ZC3H13: variants seen among roughly 807,000 people sequenced by gnomAD.
The protein encoded by ZC3H13 is zinc finger CCCH-type containing 13, also known as zinc finger CCCH domain-containing protein 13.
Under a neutral mutation model 204.1 loss-of-function variants are expected in ZC3H13, and 64 were observed. The ratio of observed to expected loss-of-function variants is 0.31; its 90% CI spans 0.26 to 0.39. ZC3H13 has a LOEUF of 0.39. Ranked by LOEUF, ZC3H13 falls within the 10% of genes least tolerant of loss-of-function variation. The pLI is 1.00. For missense variants in ZC3H13, 1,833 were observed against 2,082.7 expected (o/e 0.88, Z 2.33); for synonymous variants, 667 against 693.7 (o/e 0.96, Z 0.60).
At chr13:46,008,713 T>C (rs143349624) in intron 7 of ZC3H13, among the ~76,000 whole-genome samples, 13 of 152,284 alleles carry the variant, frequency 8.5e-5, no homozygotes, top group East Asian at 1.9e-4. Context: ...GAAAGTTACA[T>C]AGCTGGTTAG....
At chr13:46,044,819 C>G (rs2043832788) in intron 3 of ZC3H13, 136 bp downstream of exon 3, 1 of 443,782 alleles carries the variant, frequency 2.3e-6, no homozygotes, top group Non-Finnish European at 3.9e-6. Flanking sequence ...TCCTGTCGAT[C>G]TTCAATTACT....
At position 45,956,556 on chromosome 13, in the gene ZC3H13, T is replaced by C. The variant is rs1951286289; in HGVS notation, c.*571A>G. On this transcript the variant is annotated 3_prime_UTR_variant, in exon 19 of 19. Coordinates refer to ENST00000679008, the MANE Select transcript of ZC3H13 (RefSeq NM_001330564.2). ...AACATACATTGTAACAATGCACACA[T>C]ATTAATTAAAAAAAAGACCCATGAA... is the stretch of plus-strand genomic sequence containing the variant. 1 of 152,102 alleles carries C rather than the reference T, an allele frequency of 6.6e-6. No homozygotes were observed. The highest frequency in any genetic ancestry group is 2.4e-5 in the African/African-American group (1 of 41,452). The allele number at this position is 152,102 out of a possible 1,614,324, so 9.4% of individuals were successfully genotyped here.
At chr13:45,987,293 C>T (rs2138229994) in intron 9 of ZC3H13, among the ~76,000 whole-genome samples, 1 of 152,274 alleles carries the variant, frequency 6.6e-6, no homozygotes, top group South Asian at 2.1e-4. Context: ...ATTTAAGTCC[C>T]TTCTTAACAC....
At chr13:46,029,680 G>A (rs966370602) in intron 4 of ZC3H13, among the ~76,000 whole-genome samples, 5 of 151,510 alleles carry the variant, frequency 3.3e-5, no homozygotes, top group South Asian at 2.1e-4. Flanking sequence ...CGCCCGCCTC[G>A]GCCTCCCAAA....
chr13:46,024,446 C>T (rs949453446), intron 4 of ZC3H13, among the ~76,000 whole-genome samples: 9 of 152,152 alleles, frequency 5.9e-5, no homozygotes, highest in African/African-American at 2.2e-4. Flanking sequence ...TTGGTACATA[C>T]TTTGGGTTGA....
chr13:46,048,580 C>G (rs1280416163), intron 1 of ZC3H13, among the ~76,000 whole-genome samples: 1 of 38,656 alleles, frequency 2.6e-5, no homozygotes, highest in Non-Finnish European at 4.3e-5. Context: ...GACTCCGCCT[C>G]AAAAAAAAAA....
intron 8 of ZC3H13, 122 bp from the exon 9 acceptor site, chr13:45,989,219 T>C (rs113012965): frequency 5.0e-6 from 5 of 997,012 alleles, no homozygotes; most frequent in African/African-American, 3.3e-5. Context: ...GAATAAATTT[T>C]AATTCACAAT....
At chr13:45,975,190 A>G in intron 12 of ZC3H13, 93 bp downstream of exon 12, 1 of 1,493,496 alleles carries the variant, frequency 6.7e-7, no homozygotes, top group Admixed American at 2.2e-5. Context: ...AAAAATTAAC[A>G]GGAAATTAAG....
intron 17 of ZC3H13, among the ~76,000 whole-genome samples, chr13:45,961,200 A>G (rs955961009): frequency 2.0e-5 from 3 of 152,182 alleles, no homozygotes; most frequent in African/African-American, 7.2e-5. Flanking sequence ...TATGCACATG[A>G]TTAAAAACAA....
intron 8 of ZC3H13, among the ~76,000 whole-genome samples, chr13:45,989,424 A>T (rs1053398391): frequency 6.6e-6 from 1 of 152,218 alleles, no homozygotes; most frequent in African/African-American, 2.4e-5. Context: ...TGAAAGTGTG[A>T]ACAAATACTT....
chr13:45,983,401 T>TATATATATATA lies in ZC3H13; in HGVS notation c.1720+1895_1720+1896insTATATATATAT, dbSNP rs1953842302. 2.0e-4 allele frequency among the ~76,000 whole-genome samples: 7 copies of TATATATATATA among 35,486 alleles called. 1 individual carries two copies. The highest frequency in any genetic ancestry group is 1.1e-3 in the South Asian group (1 of 880). 23.3% of individuals were successfully genotyped at this position (35,486 alleles called of 152,430 possible). A position where few individuals can be genotyped will look rare whatever the true frequency, so the allele number is the denominator to read the frequency against. On this transcript the variant is annotated intron_variant, in intron 10 of 18. Transcript: ENST00000679008. ...TGAAACAAAGCAAAGCCCCTTCTAC[T>TATATATATATA]TATATATATATATTTTTTTTTTTTT...
chr13:46,029,586 G>T (rs966589645), intron 4 of ZC3H13, among the ~76,000 whole-genome samples: 4 of 151,306 alleles, frequency 2.6e-5, no homozygotes, highest in Admixed American at 2.6e-4. Flanking sequence ...CCGCTACCAC[G>T]CCCGGCTAAT....
chr13:45,995,064 G>A (rs1464208324), intron 8 of ZC3H13, among the ~76,000 whole-genome samples: 1 of 150,924 alleles, frequency 6.6e-6, no homozygotes. Context: ...AGCCAGATTA[G>A]GATGGATTTT....
At chr13:46,021,710 C>T (rs191351286) in intron 4 of ZC3H13, among the ~76,000 whole-genome samples, 105 of 151,690 alleles carry the variant, frequency 6.9e-4, no homozygotes, top group African/African-American at 2.4e-3. Flanking sequence ...GAGAATAAAA[C>T]CTGCCATGAA....
At chr13:46,046,946 T>G (rs887568548) in intron 1 of ZC3H13, among the ~76,000 whole-genome samples, 10 of 152,190 alleles carry the variant, frequency 6.6e-5, no homozygotes, top group African/African-American at 2.4e-4. Flanking sequence ...TTATACAAAC[T>G]AAATATTAGT....
intron 5 of ZC3H13, among the ~76,000 whole-genome samples, chr13:46,018,832 T>A (rs1421121509): frequency 6.6e-6 from 1 of 152,162 alleles, no homozygotes; most frequent in Non-Finnish European, 1.5e-5. Context: ...CAAATACATT[T>A]TAAAATGTTT....
At chr13:46,018,154 A>G (rs2042020871) in intron 5 of ZC3H13, among the ~76,000 whole-genome samples, 1 of 149,538 alleles carries the variant, frequency 6.7e-6, no homozygotes, top group South Asian at 2.1e-4. Flanking sequence ...AGTCTTTTTC[A>G]AGAAAACAGG....
At chr13:46,040,933 A>G (rs1411411222) in intron 4 of ZC3H13, among the ~76,000 whole-genome samples, 1 of 152,198 alleles carries the variant, frequency 6.6e-6, no homozygotes, top group Non-Finnish European at 1.5e-5. Context: ...TTAGATAACA[A>G]AAGTGTTGGT....
At position 45,988,827 on chromosome 13, in the gene ZC3H13, T is replaced by C; in HGVS notation, c.1215A>G (p.Arg405=). 1.2e-6 allele frequency: 2 copies of C among 1,614,058 alleles called. No individual in the cohort carries two copies. Among genetic ancestry groups the C allele is most frequent in the Non-Finnish European group, 1.7e-6 (2 of 1,179,910 alleles). Residue 405 remains arginine, a synonymous_variant, in exon 9 of 19, where the codon CGA becomes CGG. Transcript: ENST00000679008. ...MREKGRHDHE[R]TSQSHDRRHE... is the part of the protein sequence containing the mutation. ...GGCGTCGATCATGAGACTGTGAAGTTCGTTCATGATCATGTCTCCCTTTCT... is the reference window on the plus strand; with the variant it reads ...GGCGTCGATCATGAGACTGTGAAGTCCGTTCATGATCATGTCTCCCTTTCT...
Sources: gnomAD v4.1 joint callset for allele counts (sites outside exome capture counted in the v4.1 genomes callset) on GRCh38, gnomAD v4.1.1 for gene constraint, MANE v1.5 for transcripts, NCBI Gene and HGNC (gene_info 2026-07-23, HGNC 2026-07-21) for gene names.